FKRP: variants seen among roughly 807,000 people sequenced by gnomAD.
FKRP encodes the protein fukutin related protein.
FKRP carries 25 observed loss-of-function variants against 30.6 expected under a neutral mutation model. That is an observed-to-expected ratio of 0.82 (90% CI 0.60 to 1.14). The LOEUF (loss-of-function observed/expected upper bound fraction) is 1.14, where lower values mean the gene tolerates loss of function less well. Among genes scored for constraint, FKRP ranks in the 50% most tolerant of loss-of-function variants. FKRP has a pLI of 0.00. For missense variants in FKRP, 771 were observed against 727.8 expected (o/e 1.06, Z -0.68); for synonymous variants, 358 against 342.5 (o/e 1.05, Z -0.50).
At chr19:46,746,454 C>A (rs1311090721) in intron 1 of FKRP, 2 of 995,800 alleles carry the variant, frequency 2.0e-6, no homozygotes, top group Admixed American at 6.1e-5. Flanking sequence ...CCGGCCTGCG[C>A]GCCCGCTGTG....
chr19:46,746,418 G>C, intron 1 of FKRP: 5 of 1,036,354 alleles, frequency 4.8e-6, no homozygotes, highest in South Asian at 8.9e-5. Flanking sequence ...GCGGCCGCTC[G>C]CTCCTCCATC....
intron 1 of FKRP, chr19:46,746,566 G>A (rs2054637544): frequency 3.3e-5 from 12 of 363,334 alleles, no homozygotes; most frequent in Non-Finnish European, 4.6e-5. Context: ...GGCCGGCGGC[G>A]AGCGCGAGCC....
rs753390261 is a variant in FKRP, at chr19:46,755,994, T to C, written c.544T>C (p.Tyr182His). ...CAGCCTGCGAGAGTGGACCGCCCGC[T>C]ATGGCGCAGCCCCCGCCGCGCCCCG... ...NVSLREWTAR[Y>H]GAAPAAPRCD... Residue 182 changes from tyrosine (Y) to histidine (H), a missense_variant, in exon 4 of 4, where the codon TAT becomes CAT. Physicochemically the swap from Tyr to His is moderately conservative, Grantham distance 83 (BLOSUM62 2). Transcript: ENST00000318584. 6.5e-6 allele frequency: 10 copies of C among 1,547,276 alleles called. No homozygotes were observed. The highest frequency in any genetic ancestry group is 1.7e-6 in the Non-Finnish European group (2 of 1,154,404).
At position 46,755,829 on chromosome 19, in the gene FKRP, G is replaced by A. The variant is rs1060502106; in HGVS notation, c.379G>A (p.Ala127Thr). The change falls in exon 4 of 4, where the codon GCC becomes ACC. Residue 127 changes from alanine to threonine, a missense_variant. Coordinates refer to ENST00000318584, the MANE Select transcript of FKRP (RefSeq NM_024301.5). ...PETYVATEFV[A>T]LVPDGARAEA... The stretch of plus-strand genomic sequence containing the variant: ...GACCTACGTGGCCACCGAGTTTGTG[G>A]CCCTAGTACCTGATGGGGCGCGGGC... 3 of 1,506,870 alleles carry A rather than the reference G, an allele frequency of 2.0e-6. No homozygotes were observed. The highest frequency in any genetic ancestry group is 4.9e-5 in the East Asian group (2 of 40,508). 93.3% of individuals were successfully genotyped at this position (1,506,870 alleles called of 1,614,324 possible).
chr19:46,749,408 C>CTTTTT (rs34544320), intron 3 of FKRP, among the ~76,000 whole-genome samples: 7 of 114,844 alleles, frequency 6.1e-5, no homozygotes, highest in African/African-American at 1.0e-4. Flanking sequence ...CCTTTGTTTC[C>CTTTTT]TTTTTTTTTT....
Position 46,757,339 on chromosome 19 carries a change from T to C in FKRP, c.*401T>C, listed in dbSNP as rs1337108550. On this transcript the variant is annotated 3_prime_UTR_variant, in exon 4 of 4. Coordinates refer to ENST00000318584, the MANE Select transcript of FKRP (RefSeq NM_024301.5). ...GCAGAGTTTTGGAAACAGTGCAGGC[T>C]CTGGAGCCAGACTGGCGAGATTCAA... 7.6e-6 allele frequency: 2 copies of C among 263,424 alleles called. No homozygotes were observed. The highest frequency in any genetic ancestry group is 1.6e-5 in the Non-Finnish European group (2 of 124,646). 16.3% of individuals were successfully genotyped at this position (263,424 alleles called of 1,614,324 possible).
In FKRP at chr19:46,756,616, AGC is replaced by A. The variant is rs748087383; in HGVS notation, c.1170_1171del (p.Gly391LeufsTer72). ...GCAGAGGCCGGCTCGGTGGTGGATG[AGC>A]GCGGCTTCGTATGGGAGAAGGCGGT... On this transcript the variant is annotated frameshift_variant, in exon 4 of 4. Coordinates refer to ENST00000318584, the MANE Select transcript of FKRP (RefSeq NM_024301.5). LOFTEE classifies it high-confidence loss of function. The surrounding 1 kb of genome is among the most constrained non-coding windows in gnomAD (Gnocchi z 6.6). The A allele has an allele frequency of 6.8e-6, 11 of 1,612,114 alleles. No homozygotes were observed. In the East Asian group the frequency reaches 2.5e-4, roughly 36 times the overall value.
In FKRP at chr19:46,756,404, C is replaced by T. The variant is rs755968761; in HGVS notation, c.954C>T (p.Cys318=). Residue 318 remains cysteine (C), a synonymous_variant, in exon 4 of 4, where the codon TGC becomes TGT. Transcript: ENST00000318584. The surrounding 1 kb of genome is among the most constrained non-coding windows in gnomAD (Gnocchi z 6.6). ...LYEERWTPPC[C]LRALRETARY... ...AGGAGCGCTGGACGCCCCCCTGCTG[C>T]CTGCGCGCGCTGCGCGAGACCGCCC... 267 of 1,571,136 alleles carry T rather than the reference C, an allele frequency of 1.7e-4. No homozygotes were observed. Among genetic ancestry groups the T allele is most frequent in the Non-Finnish European group, 2.1e-4 (241 of 1,159,272 alleles).
rs1426144016 is a variant in FKRP, at chr19:46,755,898, G to C, written c.448G>C (p.Ala150Pro). The C allele has an allele frequency of 6.6e-7, 1 of 1,516,268 alleles. No individual in the cohort carries two copies. Among genetic ancestry groups the C allele is most frequent in the African/African-American group, 1.4e-5 (1 of 72,034 alleles). 93.9% of individuals were successfully genotyped at this position (1,516,268 alleles called of 1,614,324 possible). A position where few individuals can be genotyped will look rare whatever the true frequency, so the allele number is the denominator to read the frequency against. The stretch of plus-strand genomic sequence containing the variant: ...GGAGCGCATGGTGGAGGCGCTCCGC[G>C]CAGGAAGCGCACGTCTGGTGGCCGC... ...LLERMVEALR[A>P]GSARLVAAPV... The change falls in exon 4 of 4, where the codon GCA becomes CCA. Residue 150 changes from alanine to proline, a missense_variant. By Grantham distance (27) the Ala-to-Pro change is conservative. Transcript: ENST00000318584.
Position 46,755,661 on chromosome 19 carries a change from C to A in FKRP, c.211C>A (p.Leu71Met). Residue 71 changes from leucine to methionine, a missense_variant, in exon 4 of 4, where the codon CTG becomes ATG. Transcript: ENST00000318584. ...GGTGCCCGAGCTGGTAGACTCCTTC[C>A]TGCAGCAAGACCCAGCCCAGCCCGT... is the stretch of plus-strand genomic sequence containing the variant. ...NAVPELVDSF[L>M]QQDPAQPVVV... 2 of 1,596,382 alleles carry A rather than the reference C, an allele frequency of 1.3e-6. No homozygotes were observed. Among genetic ancestry groups the A allele is most frequent in the Admixed American group, 1.7e-5 (1 of 59,628 alleles).
intron 3 of FKRP, among the ~76,000 whole-genome samples, chr19:46,753,023 G>A (rs369254520): frequency 2.0e-5 from 3 of 150,066 alleles, no homozygotes; most frequent in Admixed American, 6.6e-5. Context: ...AAAATTAGCC[G>A]GGCATGGTGG....
intron 1 of FKRP, 32 bp downstream of exon 1, chr19:46,746,122 G>C: frequency 6.8e-7 from 1 of 1,477,438 alleles, no homozygotes; most frequent in Non-Finnish European, 8.9e-7. Flanking sequence ...CCGGGTTGGG[G>C]GTCGGGGGTC....
At chr19:46,747,387 ATTTTT>A (rs561622117) in intron 1 of FKRP, 1 of 108,788 alleles carries the variant, frequency 9.2e-6, no homozygotes, top group East Asian at 2.6e-4. Flanking sequence ...AAAGGAGGGG[ATTTTT>A]TTTTTTTTTT....
intron 3 of FKRP, among the ~76,000 whole-genome samples, chr19:46,753,325 C>CGG (rs1568415523): frequency 4.1e-4 from 11 of 26,896 alleles, no homozygotes; most frequent in African/African-American, 2.7e-3. Flanking sequence ...GGTGTGGTGG[C>CGG]GCATGCCTGT....
rs1599935937 is a variant in FKRP, at chr19:46,756,029, C to T, written c.579C>T (p.Ala193=). The change falls in exon 4 of 4, where the codon GCC becomes GCT. Residue 193 remains alanine (A), a synonymous_variant. Coordinates refer to ENST00000318584, the MANE Select transcript of FKRP (RefSeq NM_024301.5). The surrounding 1 kb of genome is among the most constrained non-coding windows in gnomAD (Gnocchi z 6.6). ...CCCCCGCCGCGCCCCGCTGCGACGC[C>T]CTGGACGGAGATGCTGTGGTGCTCC... ...GAAPAAPRCD[A]LDGDAVVLLR... is the part of the protein sequence containing the mutation. 1 of 1,579,456 alleles carries T rather than the reference C, an allele frequency of 6.3e-7. No individual in the cohort carries two copies. Among genetic ancestry groups the T allele is most frequent in the South Asian group, 1.1e-5 (1 of 88,212 alleles).
At chr19:46,746,435 G>C in intron 1 of FKRP, 1 of 1,013,806 alleles carries the variant, frequency 9.9e-7, no homozygotes, top group Non-Finnish European at 1.2e-6. Context: ...CATCATGGAG[G>C]CCCCGGGGCC....
chr19:46,746,483 C>CTGTGCCT, intron 1 of FKRP: 1 of 910,218 alleles, frequency 1.1e-6, no homozygotes, highest in Non-Finnish European at 1.3e-6. Context: ...GCCTGCGCGG[C>CTGTGCCT]CGCGCCAACA....
Position 46,755,935 on chromosome 19 carries a change from C to T in FKRP, c.485C>T (p.Thr162Met), listed in dbSNP as rs1482696848. The T allele has an allele frequency of 2.6e-6, 4 of 1,532,522 alleles. No individual in the cohort carries two copies. The highest frequency in any genetic ancestry group is 2.8e-5 in the African/African-American group (2 of 72,494). 94.9% of individuals were successfully genotyped at this position (1,532,522 alleles called of 1,614,324 possible). A position where few individuals can be genotyped will look rare whatever the true frequency, so the allele number is the denominator to read the frequency against. The change falls in exon 4 of 4, where the codon ACG (threonine) becomes ATG (methionine). Residue 162 changes from threonine to methionine, a missense_variant. Coordinates refer to ENST00000318584, the MANE Select transcript of FKRP (RefSeq NM_024301.5). Reference sequence around the variant, plus strand: ...CGTCTGGTGGCCGCCCCGGTTGCCACGGCCAACCCTGCCAGGTGCCTGGCC... The same window carrying T: ...CGTCTGGTGGCCGCCCCGGTTGCCATGGCCAACCCTGCCAGGTGCCTGGCC... ...SARLVAAPVA[T>M]ANPARCLALN...
Position 46,757,328 on chromosome 19 carries a change from A to C in FKRP, c.*390A>C. The C allele has an allele frequency of 3.2e-6, 1 of 311,536 alleles. No homozygotes were observed. The highest frequency in any genetic ancestry group is 6.6e-6 in the Non-Finnish European group (1 of 152,340). 19.3% of individuals were successfully genotyped at this position (311,536 alleles called of 1,614,324 possible). ...CTAGGGCAGGGGCAGAGTTTTGGAA[A>C]CAGTGCAGGCTCTGGAGCCAGACTG... On this transcript the variant is annotated 3_prime_UTR_variant, in exon 4 of 4. Coordinates refer to ENST00000318584, the MANE Select transcript of FKRP (RefSeq NM_024301.5).
Sources: allele counts gnomAD v4.1 joint callset (sites outside exome capture counted in the v4.1 genomes callset), GRCh38; gene constraint gnomAD v4.1.1; non-coding constraint Gnocchi (gnomAD v3.1); transcripts MANE v1.5; gene names NCBI Gene and HGNC (gene_info 2026-07-23, HGNC 2026-07-21).